The following ATP2B4 variants were observed in gnomAD, a reference collection of about 807,000 sequenced individuals.
ATP2B4 encodes plasma membrane calcium-transporting ATPase 4.
Under a neutral mutation model 110.3 loss-of-function variants are expected in ATP2B4, and 39 were observed. That is an observed-to-expected ratio of 0.35 (90% CI 0.27 to 0.46). ATP2B4 has a LOEUF of 0.46. Ranked by LOEUF, ATP2B4 falls within the 20% of genes least tolerant of loss-of-function variation. The pLI, the probability that ATP2B4 is intolerant of heterozygous loss-of-function variation, is 1.00. For missense variants in ATP2B4, 1,135 were observed against 1,530.9 expected, an observed-to-expected ratio of 0.74 and a Z score of 4.32; for synonymous variants, 538 against 571.7, an observed-to-expected ratio of 0.94 and a Z score of 0.84.
At chr1:203,659,352 A>G (rs1362273337) in intron 1 of ATP2B4, among the ~76,000 whole-genome samples, 1 of 152,256 alleles carries the variant, frequency 6.6e-6, no homozygotes. Context: ...TCAGAATGAC[A>G]AGCCCAAAGC....
chr1:203,657,171 G>A, intron 1 of ATP2B4: 2 of 808,996 alleles, frequency 2.5e-6, no homozygotes, highest in Non-Finnish European at 4.3e-6. Context: ...GTATTGGTGG[G>A]CAAAAGGTGG....
rs1665940945 is a variant in ATP2B4, at chr1:203,709,432, C to T, written c.1689C>T (p.Tyr563=). 1.2e-6 allele frequency: 2 copies of T among 1,614,242 alleles called. No homozygotes were observed. The highest frequency in any genetic ancestry group is 1.7e-6 in the Non-Finnish European group (2 of 1,180,034). ...VRNEVPEEKL[Y]KVYTFNSVRK... is the part of the protein sequence containing the mutation. ...ATGAAGTGCCCGAGGAGAAGCTCTACAAGGTGTACACCTTTAACTCAGTGC... is the reference window on the plus strand; with the variant it reads ...ATGAAGTGCCCGAGGAGAAGCTCTATAAGGTGTACACCTTTAACTCAGTGC... The change falls in exon 11 of 21, where the codon TAC becomes TAT. Residue 563 remains tyrosine (Y), a synonymous_variant. Coordinates refer to ENST00000357681, the MANE Select transcript of ATP2B4 (RefSeq NM_001684.5).
chr1:203,724,183 G>C (rs931218365), intron 19 of ATP2B4, among the ~76,000 whole-genome samples, 195 bp downstream of exon 19: 3 of 152,052 alleles, frequency 2.0e-5, no homozygotes, highest in African/African-American at 7.2e-5. Context: ...TCACTTCAGA[G>C]GTTTCAGAAT....
chr1:203,687,274 AAAGAAAAG>A (rs1665225021), intron 2 of ATP2B4, among the ~76,000 whole-genome samples: 1 of 151,792 alleles, frequency 6.6e-6, no homozygotes, highest in African/African-American at 2.4e-5. Flanking sequence ...GAAAGAAAAG[AAAGAAAAG>A]AAAGGAAGAA....
intron 2 of ATP2B4, among the ~76,000 whole-genome samples, chr1:203,695,834 C>T (rs560748976): frequency 1.4e-4 from 22 of 152,200 alleles, no homozygotes; most frequent in African/African-American, 5.1e-4. Flanking sequence ...ATAATGCTCC[C>T]TTGGGTACCT....
intron 19 of ATP2B4, among the ~76,000 whole-genome samples, chr1:203,725,908 T>TC (rs1483751796): frequency 1.3e-3 from 177 of 134,276 alleles, no homozygotes; most frequent in African/African-American, 4.4e-3. Context: ...TCTTTTCTTT[T>TC]TTTTTTTTTT....
chr1:203,700,660 C>G, intron 5 of ATP2B4, 138 bp from the exon 6 acceptor site: 1 of 1,249,584 alleles, frequency 8.0e-7, no homozygotes, highest in South Asian at 1.5e-5. Context: ...CAGCTCTTGA[C>G]CTTTTCCTAC....
chr1:203,739,913 C>CTATG lies in ATP2B4; in HGVS notation c.*60_*63dup. 6.6e-7 allele frequency: 1 copy of CTATG among 1,524,262 alleles called. No individual in the cohort carries two copies. The highest frequency in any genetic ancestry group is 8.9e-7 in the Non-Finnish European group (1 of 1,127,840). The allele number at this position is 1,524,262 out of a possible 1,614,324, so 94.4% of individuals were successfully genotyped here. A position where few individuals can be genotyped will look rare whatever the true frequency, so the allele number is the denominator to read the frequency against. On this transcript the variant is annotated 3_prime_UTR_variant, in exon 21 of 21. Coordinates refer to ENST00000357681, the MANE Select transcript of ATP2B4 (RefSeq NM_001684.5). ...CTATTTCCATTTTCGTCTATCCCATCTATGAGGTGATGATGGGACTTTTCA... is the reference window on the plus strand; with the variant it reads ...CTATTTCCATTTTCGTCTATCCCATCTATGTATGAGGTGATGATGGGACTTTTCA...
At chr1:203,631,577 T>A (rs1174259617) in intron 1 of ATP2B4, among the ~76,000 whole-genome samples, 1 of 152,136 alleles carries the variant, frequency 6.6e-6, no homozygotes, top group Non-Finnish European at 1.5e-5. Context: ...AAACAAGTAG[T>A]ATACCCTCAA....
intron 1 of ATP2B4, among the ~76,000 whole-genome samples, chr1:203,658,368 T>TAAA (rs530207721): frequency 2.6e-5 from 3 of 117,262 alleles, no homozygotes; most frequent in African/African-American, 9.2e-5. Flanking sequence ...TAATAAAAAT[T>TAAA]AAAAAAAAAA....
At position 203,722,702 on chromosome 1, in the gene ATP2B4, C is replaced by T. The variant is rs749806176; in HGVS notation, c.3024+13C>T. ...ATTCATCTGCCAGGTGAGATTCTAT[C>T]TGCAGTTGGGGCAGGAGATCTGGAA... On this transcript the variant is annotated intron_variant, in intron 18 of 20. Coordinates refer to ENST00000357681, the MANE Select transcript of ATP2B4 (RefSeq NM_001684.5). 25 of 1,612,898 alleles carry T rather than the reference C, an allele frequency of 1.6e-5. No individual in the cohort carries two copies. Among genetic ancestry groups the T allele is most frequent in the Non-Finnish European group, 2.0e-5 (24 of 1,178,928 alleles).
intron 1 of ATP2B4, chr1:203,657,077 T>C (rs966057016): frequency 8.4e-6 from 7 of 835,496 alleles, no homozygotes; most frequent in African/African-American, 5.1e-5. Context: ...CCCAATTCGC[T>C]CACATTTACC....
chr1:203,663,527 A>C (rs1664412131), intron 1 of ATP2B4, among the ~76,000 whole-genome samples: 1 of 152,052 alleles, frequency 6.6e-6, no homozygotes. Flanking sequence ...CTCTGAGCTC[A>C]TCAGGACAGG....
In ATP2B4 at chr1:203,672,324, C is replaced by CTTTTTTTT. The variant is rs57144862; in HGVS notation, c.-464-10393_-464-10386dup. ...TGTTCCTGAGTAAGTTGCGGTGGCT[C>CTTTTTTTT]TTTTTTTTTTTTTTTTTTTTTTTTT... On this transcript the variant is annotated intron_variant, in intron 1 of 20. Transcript: ENST00000357681. 2.4e-3 allele frequency among the ~76,000 whole-genome samples: 190 copies of CTTTTTTTT among 79,586 alleles called. 2 individuals carry two copies. The highest frequency in any genetic ancestry group is 9.6e-3 in the East Asian group (8 of 836). The allele number at this position is 79,586 out of a possible 152,430, so 52.2% of individuals were successfully genotyped here.
Position 203,711,098 on chromosome 1 carries a change from T to C in ATP2B4, c.2021T>C (p.Val674Ala), listed in dbSNP as rs745819222. ...GCGGTGGTGGGCATTGAGGACCCTG[T>C]GCGCCCAGAGGTGAGAGGGTGGGAA... ...CIAVVGIEDP[V>A]RPEVPDAIAK... Residue 674 changes from valine (V) to alanine (A), a missense_variant, in exon 12 of 21, where the codon GTG (valine) becomes GCG (alanine). Around this residue, in one of 9 missense-constraint regions of ATP2B4, gnomAD observed 368 missense variants for 455.9 expected, o/e 0.81. Coordinates refer to ENST00000357681, the MANE Select transcript of ATP2B4 (RefSeq NM_001684.5). 1.2e-6 allele frequency: 2 copies of C among 1,614,042 alleles called. No homozygotes were observed. The highest frequency in any genetic ancestry group is 1.7e-6 in the Non-Finnish European group (2 of 1,179,970).
chr1:203,739,973 T>C lies in ATP2B4; in HGVS notation c.*119T>C. ...CAGCTGCTGTGTTAACAGCAGTGTG[T>C]GTGAAGTGAACCTCTACCTGACCAT... On this transcript the variant is annotated 3_prime_UTR_variant, in exon 21 of 21. Coordinates refer to ENST00000357681, the MANE Select transcript of ATP2B4 (RefSeq NM_001684.5). The C allele has an allele frequency of 8.9e-7, 1 of 1,118,778 alleles. No individual in the cohort carries two copies. Among genetic ancestry groups the C allele is most frequent in the Non-Finnish European group, 1.3e-6 (1 of 799,728 alleles). The allele number at this position is 1,118,778 out of a possible 1,614,324, so 69.3% of individuals were successfully genotyped here. A position where few individuals can be genotyped will look rare whatever the true frequency, so the allele number is the denominator to read the frequency against.
At chr1:203,657,161 G>C in intron 1 of ATP2B4, 1 of 821,324 alleles carries the variant, frequency 1.2e-6, no homozygotes, top group South Asian at 1.4e-5. Flanking sequence ...TTTACACCAA[G>C]TATTGGTGGG....
chr1:203,665,246 A>G (rs1294768218), intron 1 of ATP2B4, among the ~76,000 whole-genome samples: 2 of 152,236 alleles, frequency 1.3e-5, no homozygotes, highest in Non-Finnish European at 2.9e-5. Context: ...TTCAGGGCAC[A>G]TGCTACCTGA....
intron 1 of ATP2B4, among the ~76,000 whole-genome samples, chr1:203,670,966 C>T (rs567461124): frequency 2.0e-5 from 3 of 152,192 alleles, no homozygotes; most frequent in Non-Finnish European, 4.4e-5. Flanking sequence ...GGAAATGGAA[C>T]AGTCTATGCA....
Sources: gnomAD v4.1 joint callset for allele counts (sites outside exome capture counted in the v4.1 genomes callset) on GRCh38, gnomAD v4.1.1 for gene constraint, gnomAD v4.1.1 regional missense constraint, MANE v1.5 for transcripts, NCBI Gene and HGNC (gene_info 2026-07-23, HGNC 2026-07-21) for gene names.